PSD3: variants seen among roughly 807,000 people sequenced by gnomAD.
PSD3 encodes PH and SEC7 domain-containing protein 3.
PSD3 carries 49 observed loss-of-function variants against 105.5 expected under a neutral mutation model. The observed-to-expected ratio is 0.46, with a 90% CI of 0.37 to 0.59. The LOEUF (loss-of-function observed/expected upper bound fraction) is 0.59, where lower values mean the gene tolerates loss of function less well. Ranked by LOEUF, PSD3 falls within the 20% of genes least tolerant of loss-of-function variation. PSD3 has a pLI of 0.00. For synonymous variants in PSD3, 557 were observed against 457.8 expected, an observed-to-expected ratio of 1.22 and a Z score of -2.77; for missense variants, 1,561 against 1,263.8, an observed-to-expected ratio of 1.24 and a Z score of -3.57.
intron 11 of PSD3, among the ~76,000 whole-genome samples, chr8:18,602,134 GT>G: frequency 6.6e-6 from 1 of 152,150 alleles, no homozygotes; most frequent in Non-Finnish European, 1.5e-5. Flanking sequence ...AGGTCCTGAA[GT>G]ACAAAGGCTT....
chr8:18,571,760 C>G (rs1256359331), intron 14 of PSD3, among the ~76,000 whole-genome samples: 2 of 152,200 alleles, frequency 1.3e-5, no homozygotes, highest in Non-Finnish European at 2.9e-5. Context: ...AATACCAACA[C>G]TTGGTCGATC....
Position 18,799,245 on chromosome 8 carries a change from G to C in PSD3, c.2082+50C>G. On this transcript the variant is annotated intron_variant, in intron 8 of 15. Transcript: ENST00000327040. ...ATAAATGTGTTTGAACATAAAAGCA[G>C]AGATAAGCCCGACATGTTTTGGATC... The C allele has an allele frequency of 4.1e-6, 6 of 1,474,036 alleles. No homozygotes were observed. In the Admixed American group the frequency reaches 5.0e-5, roughly 12 times the overall value. The allele number at this position is 1,474,036 out of a possible 1,614,324, so 91.3% of individuals were successfully genotyped here. A position where few individuals can be genotyped will look rare whatever the true frequency, so the allele number is the denominator to read the frequency against.
chr8:19,016,393 T>G (rs1827179448), upstream of PSD3, among the ~76,000 whole-genome samples: 1 of 152,214 alleles, frequency 6.6e-6, no homozygotes, highest in Admixed American at 6.5e-5. Flanking sequence ...TGAAATTCCA[T>G]CATGTATTAT....
intron 11 of PSD3, among the ~76,000 whole-genome samples, chr8:18,608,716 T>C (rs1805042417): frequency 6.6e-6 from 1 of 152,342 alleles, no homozygotes; most frequent in East Asian, 1.9e-4. Context: ...ATATAAAATA[T>C]TTCTAAACAA....
chr8:18,944,507 G>A (rs1305712976), intron 1 of PSD3, among the ~76,000 whole-genome samples: 1 of 152,022 alleles, frequency 6.6e-6, no homozygotes, highest in Non-Finnish European at 1.5e-5. Context: ...GGAGGTGGAG[G>A]CTGCAGTGAG....
intron 8 of PSD3, among the ~76,000 whole-genome samples, chr8:18,786,010 A>G (rs1809110179): frequency 6.6e-6 from 1 of 152,232 alleles, no homozygotes; most frequent in Non-Finnish European, 1.5e-5. Flanking sequence ...CAGTGACTGC[A>G]AAGTGTAATA....
At chr8:18,862,009 C>T (rs1167135700) in intron 4 of PSD3, among the ~76,000 whole-genome samples, 1 of 152,058 alleles carries the variant, frequency 6.6e-6, no homozygotes, top group African/African-American at 2.4e-5. Context: ...AAGGAAGCCC[C>T]GTAGTAAGGG....
intron 4 of PSD3, among the ~76,000 whole-genome samples, chr8:18,811,794 TG>T (rs139172342): frequency 6.6e-6 from 1 of 152,102 alleles, no homozygotes; most frequent in East Asian, 1.9e-4. Flanking sequence ...AGAGAGCAAA[TG>T]GGCTTGTGGG....
chr8:18,591,673 G>C (rs1426310917), intron 12 of PSD3, among the ~76,000 whole-genome samples: 1 of 152,152 alleles, frequency 6.6e-6, no homozygotes, highest in Non-Finnish European at 1.5e-5. Context: ...TCTCCCTTGG[G>C]AGGGAGAGAG....
intron 9 of PSD3, among the ~76,000 whole-genome samples, chr8:18,669,627 G>A (rs562191872): frequency 6.6e-6 from 1 of 152,318 alleles, no homozygotes; most frequent in East Asian, 1.9e-4. Flanking sequence ...GATGGCACAC[G>A]ACAGTGAGAT....
At chr8:18,983,181 A>G (rs1378956602) in intron 1 of PSD3, among the ~76,000 whole-genome samples, 2 of 152,170 alleles carry the variant, frequency 1.3e-5, no homozygotes, top group African/African-American at 2.4e-5. Flanking sequence ...CTAGCTTCCA[A>G]TTTTTCTTCT....
intron 9 of PSD3, among the ~76,000 whole-genome samples, chr8:18,705,098 AT>A (rs1351657319): frequency 1.3e-5 from 2 of 152,222 alleles, no homozygotes; most frequent in Non-Finnish European, 2.9e-5. Flanking sequence ...AATTTATTGT[AT>A]TAATAATACA....
chr8:18,876,349 A>C lies in PSD3; in HGVS notation c.131-3616T>G, dbSNP rs1386793233. On this transcript the variant is annotated intron_variant, in intron 2 of 15. Coordinates refer to ENST00000327040, the MANE Select transcript of PSD3 (RefSeq NM_015310.4). Reference sequence around the variant, plus strand: ...CAACTTGTTGGCTGCTATGAATAAAAAATGTGTATATAAGTTTCAGGGTCT... The same window carrying C: ...CAACTTGTTGGCTGCTATGAATAAACAATGTGTATATAAGTTTCAGGGTCT... Among the ~76,000 whole-genome samples the C allele has an allele frequency of 2.6e-5, 4 of 152,290 alleles. No individual in the cohort carries two copies. In the East Asian group the frequency reaches 7.7e-4, roughly 29 times the overall value.
At chr8:19,002,242 C>T (rs1403916403) in intron 1 of PSD3, among the ~76,000 whole-genome samples, 2 of 152,008 alleles carry the variant, frequency 1.3e-5, no homozygotes, top group Non-Finnish European at 2.9e-5. Flanking sequence ...CTACATGGAA[C>T]TTTCCCAGCC....
At chr8:18,892,978 A>T (rs35692173) in intron 2 of PSD3, among the ~76,000 whole-genome samples, 30,786 of 152,086 alleles carry the variant, frequency 0.2, 3,425 homozygotes, top group South Asian at 0.31. Flanking sequence ...AATGTAATCA[A>T]AATATTAGTG....
At chr8:18,843,271 G>A (rs1814803883) in intron 4 of PSD3, among the ~76,000 whole-genome samples, 1 of 149,762 alleles carries the variant, frequency 6.7e-6, no homozygotes, top group Admixed American at 6.7e-5. Flanking sequence ...TGAGGCAGGA[G>A]AATGGCGTGA....
chr8:18,730,840 T>A (rs1350130662), intron 9 of PSD3, among the ~76,000 whole-genome samples: 1 of 152,006 alleles, frequency 6.6e-6, no homozygotes, highest in Non-Finnish European at 1.5e-5. Context: ...GTACTTAAAA[T>A]ATATGAAAAC....
intron 3 of PSD3, 43 bp downstream of exon 3, chr8:18,871,583 T>C (rs759758739): frequency 6.5e-7 from 1 of 1,538,166 alleles, no homozygotes; most frequent in Non-Finnish European, 8.7e-7. Flanking sequence ...TTCTATGATA[T>C]GTACCAGGCA....
At chr8:18,904,030 A>G (rs926959956) in intron 2 of PSD3, among the ~76,000 whole-genome samples, 1 of 152,104 alleles carries the variant, frequency 6.6e-6, no homozygotes, top group Non-Finnish European at 1.5e-5. Context: ...AGTAATTTAT[A>G]AAGAAAAGAG....
Sources: gnomAD v4.1 joint callset for allele counts (sites outside exome capture counted in the v4.1 genomes callset) on GRCh38, gnomAD v4.1.1 for gene constraint, MANE v1.5 for transcripts, NCBI Gene and HGNC (gene_info 2026-07-23, HGNC 2026-07-21) for gene names.